SPIRE1: variants seen among roughly 807,000 people sequenced by gnomAD.
SPIRE1 encodes protein spire homolog 1.
In SPIRE1, 40 loss-of-function variants were observed where a neutral mutation model predicts 94.1. The observed-to-expected ratio is 0.43, with a 90% CI of 0.33 to 0.55. The LOEUF is 0.55. Among genes scored for constraint, SPIRE1 ranks in the 20% least tolerant of loss-of-function variants. The pLI is 0.06. For synonymous variants in SPIRE1, 376 were observed against 371.7 expected (o/e 1.01, Z -0.13); for missense variants, 838 against 975.2 (o/e 0.86, Z 1.87).
At chr18:12,557,513 G>A (rs1023066512) in intron 2 of SPIRE1, among the ~76,000 whole-genome samples, 10 of 151,936 alleles carry the variant, frequency 6.6e-5, no homozygotes, top group East Asian at 1.9e-4. Context: ...CCCAGTTCCC[G>A]CCCACACCTC....
At chr18:12,552,320 A>G (rs1220693408) in intron 2 of SPIRE1, among the ~76,000 whole-genome samples, 2 of 152,286 alleles carry the variant, frequency 1.3e-5, no homozygotes, top group Admixed American at 1.3e-4. Flanking sequence ...GATGGCTAAA[A>G]GAGTACTTGC....
chr18:12,550,753 A>C (rs760060569), intron 2 of SPIRE1, among the ~76,000 whole-genome samples: 3 of 152,132 alleles, frequency 2.0e-5, no homozygotes, highest in Non-Finnish European at 2.9e-5. Flanking sequence ...ACAAATACTA[A>C]AATCACAAAC....
In SPIRE1 at chr18:12,549,439, G is replaced by GTTTTTTTTTTTTTTTTTTTTTTTT. The variant is rs869122444; in HGVS notation, c.373-2559_373-2536dup. Among the ~76,000 whole-genome samples, 14 of 41,258 alleles carry GTTTTTTTTTTTTTTTTTTTTTTTT rather than the reference G, an allele frequency of 3.4e-4. 3 individuals are homozygous for GTTTTTTTTTTTTTTTTTTTTTTTT. Among genetic ancestry groups the GTTTTTTTTTTTTTTTTTTTTTTTT allele is most frequent in the Non-Finnish European group, 5.4e-4 (14 of 25,944 alleles). 27.1% of individuals were successfully genotyped at this position (41,258 alleles called of 152,430 possible). A position where few individuals can be genotyped will look rare whatever the true frequency, so the allele number is the denominator to read the frequency against. ...CTTTTTGTTTGTTTTTGTTATTGTT[G>GTTTTTTTTTTTTTTTTTTTTTTTT]TTTTTTTTTTTTTTTTTTTTTTTTT... is the stretch of plus-strand genomic sequence containing the variant. On this transcript the variant is annotated intron_variant, in intron 2 of 16. Coordinates refer to ENST00000409402, the MANE Select transcript of SPIRE1 (RefSeq NM_001128626.2).
chr18:12,576,808 G>A (rs1449862747), intron 2 of SPIRE1, among the ~76,000 whole-genome samples: 8 of 146,288 alleles, frequency 5.5e-5, no homozygotes, highest in African/African-American at 2.5e-5. Flanking sequence ...AGAATTGCTC[G>A]AACCCGGGAG....
Position 12,658,084 on chromosome 18 carries a change from G to A in SPIRE1, c.-218C>T, listed in dbSNP as rs1207490468. On this transcript the variant is annotated 5_prime_UTR_variant, in exon 1 of 17. Transcript: ENST00000409402. Reference sequence around the variant, plus strand: ...TGCAGTCCCGGTCAGACAGCCGCCGGCCGGTAGCGACGCGATGGCGTCCGG... The same window carrying A: ...TGCAGTCCCGGTCAGACAGCCGCCGACCGGTAGCGACGCGATGGCGTCCGG... 5 of 991,892 alleles carry A rather than the reference G, an allele frequency of 5.0e-6. No homozygotes were observed. Among genetic ancestry groups the A allele is most frequent in the Admixed American group, 6.1e-5 (1 of 16,268 alleles). The allele number at this position is 991,892 out of a possible 1,614,324, so 61.4% of individuals were successfully genotyped here.
intron 7 of SPIRE1, 87 bp from the exon 8 acceptor site, chr18:12,493,288 C>T: frequency 1.6e-6 from 2 of 1,227,404 alleles, no homozygotes; most frequent in African/African-American, 1.5e-5. Flanking sequence ...TTATAAATTA[C>T]ATTTCATTGA....
chr18:12,587,848 T>C (rs1190909693), intron 2 of SPIRE1, among the ~76,000 whole-genome samples: 4 of 152,226 alleles, frequency 2.6e-5, no homozygotes, highest in Non-Finnish European at 4.4e-5. Flanking sequence ...ACAATCACCA[T>C]ACAATGCACC....
rs563445543 is a variant in SPIRE1, at chr18:12,587,198, G to A, written c.373-40294C>T. Among the ~76,000 whole-genome samples the A allele has an allele frequency of 3.6e-3, 541 of 152,326 alleles. 4 individuals carry two copies. Among genetic ancestry groups the A allele is most frequent in the South Asian group, 0.02 (98 of 4,830 alleles). On this transcript the variant is annotated intron_variant, in intron 2 of 16. Coordinates refer to ENST00000409402, the MANE Select transcript of SPIRE1 (RefSeq NM_001128626.2). ...TGGCACCAACACCTGTGGAGGTCAA[G>A]GAGTGGTAAGGGATGATTATATACA...
At chr18:12,528,744 G>T (rs941807490) in intron 4 of SPIRE1, among the ~76,000 whole-genome samples, 1 of 152,204 alleles carries the variant, frequency 6.6e-6, no homozygotes, top group Non-Finnish European at 1.5e-5. Context: ...AATGCGTGAG[G>T]CAAGGTAAGG....
chr18:12,492,991 T>C, intron 8 of SPIRE1, 81 bp downstream of exon 8: 1 of 1,464,366 alleles, frequency 6.8e-7, no homozygotes, highest in Non-Finnish European at 9.1e-7. Flanking sequence ...TGAGAACTCT[T>C]TACTTTCATG....
intron 1 of SPIRE1, among the ~76,000 whole-genome samples, chr18:12,639,659 A>C (rs1206160208): frequency 6.6e-6 from 1 of 152,088 alleles, no homozygotes; most frequent in African/African-American, 2.4e-5. Context: ...TGAACCCAGG[A>C]GGCGGAGGTT....
At chr18:12,562,593 C>A (rs1400163405) in intron 2 of SPIRE1, among the ~76,000 whole-genome samples, 2 of 151,834 alleles carry the variant, frequency 1.3e-5, no homozygotes, top group Non-Finnish European at 2.9e-5. Context: ...ACCCATCAAC[C>A]CATTACCTAG....
intron 8 of SPIRE1, among the ~76,000 whole-genome samples, chr18:12,491,074 T>C (rs2033216685): frequency 1.3e-5 from 2 of 151,844 alleles, no homozygotes; most frequent in Non-Finnish European, 2.9e-5. Context: ...GACAATCCCA[T>C]TGACAACAGC....
intron 2 of SPIRE1, among the ~76,000 whole-genome samples, chr18:12,620,205 A>G (rs915661088): frequency 1.3e-5 from 2 of 152,160 alleles, no homozygotes; most frequent in African/African-American, 2.4e-5. Context: ...AAATGGGAAG[A>G]CATACTGTGT....
chr18:12,635,372 AAATC>A (rs1158192947), intron 1 of SPIRE1, among the ~76,000 whole-genome samples: 11 of 152,206 alleles, frequency 7.2e-5, no homozygotes, highest in Admixed American at 2.6e-4. Context: ...ACAGATATAT[AAATC>A]AATCAAACAA....
At chr18:12,498,531 A>C (rs1359328282) in intron 6 of SPIRE1, among the ~76,000 whole-genome samples, 1 of 152,136 alleles carries the variant, frequency 6.6e-6, no homozygotes, top group African/African-American at 2.4e-5. Flanking sequence ...TTCAGGTGTG[A>C]GTCTGGGCGC....
chr18:12,657,363 G>A (rs892346223), intron 1 of SPIRE1, among the ~76,000 whole-genome samples, 167 bp downstream of exon 1: 1 of 152,174 alleles, frequency 6.6e-6, no homozygotes, highest in Non-Finnish European at 1.5e-5. Context: ...GCCAGCCACG[G>A]CCTGACGCCG....
chr18:12,506,624 C>T lies in SPIRE1; in HGVS notation c.825G>A (p.Gln275=). The T allele has an allele frequency of 6.2e-7, 1 of 1,614,152 alleles. No individual in the cohort carries two copies. The highest frequency in any genetic ancestry group is 8.5e-7 in the Non-Finnish European group (1 of 1,180,016). ...KNADWARFWV[Q]VMRDLRNGVK... ...CCCCATTCCTCAAATCCCTCATCAC[C>T]TGTACCCAGAATCGTGCCTGAAAGA... The change falls in exon 6 of 17, where the codon CAG becomes CAA. Residue 275 remains glutamine, a synonymous_variant. Coordinates refer to ENST00000409402, the MANE Select transcript of SPIRE1 (RefSeq NM_001128626.2).
At chr18:12,501,072 C>CAAAAAAAAAAAAAAAAAAAAA (rs67894900) in intron 6 of SPIRE1, among the ~76,000 whole-genome samples, 1 of 80,226 alleles carries the variant, frequency 1.2e-5, no homozygotes, top group African/African-American at 4.9e-5. Flanking sequence ...AACTCTGTCT[C>CAAAAAAAAAAAAAAAAAAAAA]AAAAAAAAAA....
Sources: gnomAD v4.1 joint callset for allele counts (sites outside exome capture counted in the v4.1 genomes callset) on GRCh38, gnomAD v4.1.1 for gene constraint, MANE v1.5 for transcripts, NCBI Gene and HGNC (gene_info 2026-07-23, HGNC 2026-07-21) for gene names.